DCHS2: variants seen among roughly 807,000 people sequenced by gnomAD.
DCHS2 encodes the protein protocadherin-23.
A neutral mutation model predicts 182.4 loss-of-function variants in DCHS2; 142 were observed. The ratio of observed to expected loss-of-function variants is 0.78; its 90% confidence interval spans 0.68 to 0.89. The LOEUF is 0.89. Ranked by LOEUF, DCHS2 falls within the 40% of genes least tolerant of loss-of-function variation. The pLI is 0.00. For missense variants in DCHS2, 4,319 were observed against 4,198.6 expected (o/e 1.03, Z -0.79); for synonymous variants, 1,740 against 1,663.3 (o/e 1.05, Z -1.12).
intron 1 of DCHS2, among the ~76,000 whole-genome samples, chr4:154,451,681 A>G (rs1734542234): frequency 6.6e-6 from 1 of 152,230 alleles, no homozygotes; most frequent in African/African-American, 2.4e-5. Flanking sequence ...TATGAAGGAC[A>G]GCAGCGAAGG....
At position 154,333,416 on chromosome 4, in the gene DCHS2, G is replaced by C. The variant is rs757014004; in HGVS notation, c.2792C>G (p.Thr931Ser). The part of the protein sequence containing the change: ...GKFSIHPRLG[T>S]IRTRKPLDHE... The stretch of plus-strand genomic sequence containing the variant: ...ATCCAGGGGCTTCCGGGTGCGAATA[G>C]TGCCCAGCCGCGGGTGAATGGAGAA... Residue 931 changes from threonine (T) to serine (S), a missense_variant, in exon 5 of 20, where the codon ACT (threonine) becomes AGT (serine). By Grantham distance (58) the Thr-to-Ser change is moderately conservative. Transcript: ENST00000357232. 1 of 1,614,082 alleles carries C rather than the reference G, an allele frequency of 6.2e-7. No individual in the cohort carries two copies. Among genetic ancestry groups the C allele is most frequent in the Non-Finnish European group, 8.5e-7 (1 of 1,180,028 alleles).
chr4:154,463,862 T>C (rs1403269639), intron 1 of DCHS2, among the ~76,000 whole-genome samples: 1 of 152,164 alleles, frequency 6.6e-6, no homozygotes, highest in Non-Finnish European at 1.5e-5. Context: ...ATTTTATGCT[T>C]AACTCAGAAC....
intron 1 of DCHS2, among the ~76,000 whole-genome samples, chr4:154,481,867 GGAT>G: frequency 6.6e-6 from 1 of 152,066 alleles, no homozygotes; most frequent in South Asian, 2.1e-4. Flanking sequence ...TTTATCCACG[GGAT>G]TACTCTTCTT....
intron 1 of DCHS2, among the ~76,000 whole-genome samples, chr4:154,423,379 G>A (rs1446941368): frequency 6.6e-6 from 1 of 152,204 alleles, no homozygotes; most frequent in East Asian, 1.9e-4. Flanking sequence ...GTACGTGTCA[G>A]CACTTCATTC....
rs377691846 is a variant in DCHS2 at position 154,321,163 on chromosome 4, T to C, written c.4236A>G (p.Ile1412Met). ...TTTTTGTGGGCTTCAAATTTTCTGGTATAATTAAATGTCTAATATTCTGAG... is the reference window on the plus strand; with the variant it reads ...TTTTTGTGGGCTTCAAATTTTCTGGCATAATTAAATGTCTAATATTCTGAG... Reference protein sequence around the residue: ...IMSQNIRHLIIPENLKPTKIM... With the variant: ...IMSQNIRHLIMPENLKPTKIM... Residue 1412 changes from isoleucine (I) to methionine (M), a missense_variant, in exon 9 of 20, where the codon ATA (isoleucine) becomes ATG (methionine). Ile to Met is a conservative substitution (Grantham distance 10). Transcript: ENST00000357232. 2.9e-5 allele frequency: 46 copies of C among 1,589,422 alleles called. No homozygotes were observed. The highest frequency in any genetic ancestry group is 3.8e-5 in the Non-Finnish European group (44 of 1,165,084).
chr4:154,252,598 A>ACTT (rs1732431015), intron 16 of DCHS2, among the ~76,000 whole-genome samples: 1 of 151,304 alleles, frequency 6.6e-6, no homozygotes, highest in African/African-American at 2.4e-5. Flanking sequence ...TTTGTATTTC[A>ACTT]CTTAACATAA....
At chr4:154,471,831 T>C (rs1411274686) in intron 1 of DCHS2, among the ~76,000 whole-genome samples, 2 of 152,004 alleles carry the variant, frequency 1.3e-5, no homozygotes, top group Non-Finnish European at 2.9e-5. Context: ...GGAAAAAATA[T>C]GCAAGCAGAA....
At chr4:154,273,272 A>G (rs35315598) in intron 13 of DCHS2, among the ~76,000 whole-genome samples, 73,096 of 151,936 alleles carry the variant, frequency 0.48, 18,958 homozygotes, top group Non-Finnish European at 0.58. Context: ...AATACCTCTC[A>G]GCCATAAAGA....
At chr4:154,459,117 C>T (rs1203944405) in intron 1 of DCHS2, among the ~76,000 whole-genome samples, 2 of 152,172 alleles carry the variant, frequency 1.3e-5, no homozygotes, top group Non-Finnish European at 2.9e-5. Context: ...AATTCCTACT[C>T]CCCATGTGTG....
chr4:154,450,062 A>G (rs1261859901), intron 1 of DCHS2, among the ~76,000 whole-genome samples: 4 of 152,190 alleles, frequency 2.6e-5, no homozygotes, highest in Non-Finnish European at 5.9e-5. Context: ...CAGTTAAAGA[A>G]CTATACTCCT....
chr4:154,318,664 C>T (rs994150781), intron 9 of DCHS2, among the ~76,000 whole-genome samples: 1 of 151,914 alleles, frequency 6.6e-6, no homozygotes, highest in African/African-American at 2.4e-5. Context: ...GAGTACCCTA[C>T]ATATTGAAAG....
rs1177759598 is a variant in DCHS2 at position 154,236,077 on chromosome 4, C to T, written c.8575G>A (p.Asp2859Asn). 1 of 1,613,798 alleles carries T rather than the reference C, an allele frequency of 6.2e-7. No individual in the cohort carries two copies. Among genetic ancestry groups the T allele is most frequent in the East Asian group, 2.2e-5 (1 of 44,860 alleles). The change falls in exon 20 of 20, where the codon GAT (aspartate) becomes AAT (asparagine). Residue 2859 changes from aspartate (D) to asparagine (N), a missense_variant. Transcript: ENST00000357232. ...CAGACCACTAAGGAGGCAGTTGCAT[C>T]ACCTTTGTCTTTGGCTTGGACTGTG... is the stretch of plus-strand genomic sequence containing the variant. ...CLTVQAKDKG[D>N]ATASLVVWVD... is the part of the protein sequence containing the mutation.
intron 15 of DCHS2, among the ~76,000 whole-genome samples, chr4:154,258,399 T>C (rs1732808875): frequency 8.5e-6 from 1 of 117,260 alleles, no homozygotes; most frequent in Admixed American, 9.1e-5. Flanking sequence ...TTTTGTGAGA[T>C]TGAGTTTTGC....
chr4:154,320,040 T>C (rs1735997613), intron 9 of DCHS2, among the ~76,000 whole-genome samples: 1 of 152,140 alleles, frequency 6.6e-6, no homozygotes, highest in Non-Finnish European at 1.5e-5. Flanking sequence ...GATGTGACAG[T>C]ATGGATAAAT....
rs776863893 is a variant in DCHS2, at chr4:154,359,402, T to C, written c.2476+6808A>G. On this transcript the variant is annotated intron_variant, in intron 3 of 19. Coordinates refer to ENST00000357232, the MANE Select transcript of DCHS2 (RefSeq NM_001358235.2). ...TTTCAGAATAAAATATCCTGGAAAA[T>C]GGAATTTTTAACCAAGGTAGCAATT... 2.6e-5 allele frequency among the ~76,000 whole-genome samples: 4 copies of C among 151,978 alleles called. No homozygotes were observed. The South Asian group carries it at 6.2e-4, about 24-fold the overall frequency.
At chr4:154,460,570 G>A (rs1032389267) in intron 1 of DCHS2, among the ~76,000 whole-genome samples, 1 of 152,160 alleles carries the variant, frequency 6.6e-6, no homozygotes, top group African/African-American at 2.4e-5. Flanking sequence ...CTTAGTATGG[G>A]TCAGGGACTA....
At chr4:154,466,760 T>C (rs1210170940) in intron 1 of DCHS2, among the ~76,000 whole-genome samples, 1 of 152,224 alleles carries the variant, frequency 6.6e-6, no homozygotes, top group Non-Finnish European at 1.5e-5. Flanking sequence ...ACAATTATTC[T>C]TAAAGCTAGG....
chr4:154,259,500 C>CCACACA (rs147630053), intron 15 of DCHS2, 45 bp downstream of exon 15: 156 of 1,410,880 alleles, frequency 1.1e-4, no homozygotes, highest in East Asian at 9.3e-4. Flanking sequence ...ACAGACACAC[C>CCACACA]CACACACACA....
intron 10 of DCHS2, among the ~76,000 whole-genome samples, chr4:154,314,898 T>C (rs1735798889): frequency 6.6e-6 from 1 of 152,208 alleles, no homozygotes; most frequent in South Asian, 2.1e-4. Context: ...TTAGTTCAGA[T>C]GGAAAAATTC....
Sources: gnomAD v4.1 joint callset for allele counts (sites outside exome capture counted in the v4.1 genomes callset) on GRCh38, gnomAD v4.1.1 for gene constraint, MANE v1.5 for transcripts, NCBI Gene and HGNC (gene_info 2026-07-23, HGNC 2026-07-21) for gene names.